DCAF17: variants seen among roughly 807,000 people sequenced by gnomAD.
DCAF17 encodes the protein DDB1- and CUL4-associated factor 17.
In DCAF17, 48 loss-of-function variants were observed where a neutral mutation model predicts 66.0. The ratio of observed to expected loss-of-function variants is 0.73; its 90% CI spans 0.58 to 0.92. The LOEUF is 0.92. Ranked by LOEUF, DCAF17 falls within the 40% of genes least tolerant of loss-of-function variation. The pLI, the probability that DCAF17 is intolerant of heterozygous loss-of-function variation, is 0.00. For synonymous variants in DCAF17, 206 were observed against 214.6 expected (o/e 0.96, Z 0.35); for missense variants, 562 against 622.8 (o/e 0.90, Z 1.04).
At position 171,480,121 on chromosome 2, in the gene DCAF17, T is replaced by A. The variant is rs755330994; in HGVS notation, c.1350T>A (p.Ala450=). 6.8e-6 allele frequency: 11 copies of A among 1,613,860 alleles called. No homozygotes were observed. Among genetic ancestry groups the A allele is most frequent in the Middle Eastern group, 1.7e-4 (1 of 6,052 alleles). ...AVTQIDAEGK[A]HLDFHCNEYG... ...CTCAAATAGATGCTGAAGGAAAAGCTCACCTGGATTTCCACTGTAATGAAT... is the reference window on the plus strand; with the variant it reads ...CTCAAATAGATGCTGAAGGAAAAGCACACCTGGATTTCCACTGTAATGAAT... Residue 450 remains alanine (A), a synonymous_variant, in exon 13 of 14, where the codon GCT becomes GCA. Coordinates refer to ENST00000375255, the MANE Select transcript of DCAF17 (RefSeq NM_025000.4).
At chr2:171,474,171 A>G in intron 10 of DCAF17, 196 bp downstream of exon 10, 1 of 594,552 alleles carries the variant, frequency 1.7e-6, no homozygotes, top group Non-Finnish European at 3.0e-6. Flanking sequence ...GTAAATATTA[A>G]ATTTGAAAAC....
At chr2:171,477,836 A>G in intron 11 of DCAF17, 151 bp from the exon 12 acceptor site, 1 of 700,652 alleles carries the variant, frequency 1.4e-6, no homozygotes, top group Non-Finnish European at 2.6e-6. Context: ...ACGGAGGATC[A>G]GAAATCTGAT....
At chr2:171,446,962 A>C (rs374429249) in intron 3 of DCAF17, among the ~76,000 whole-genome samples, 170 of 152,332 alleles carry the variant, frequency 1.1e-3, no homozygotes, top group African/African-American at 3.8e-3. Context: ...GTCAAGACTG[A>C]AATGTATTGT....
intron 13 of DCAF17, 106 bp from the exon 14 acceptor site, chr2:171,480,868 A>G: frequency 7.3e-7 from 1 of 1,373,792 alleles, no homozygotes; most frequent in Non-Finnish European, 1.0e-6. Flanking sequence ...ATTTTCTTCT[A>G]AGTGTATGTT....
Position 171,445,453 on chromosome 2 carries a change from A to G in DCAF17, c.321+1840A>G, listed in dbSNP as rs1694563100. On this transcript the variant is annotated intron_variant, in intron 3 of 13. Coordinates refer to ENST00000375255, the MANE Select transcript of DCAF17 (RefSeq NM_025000.4). ...ATTCTCACTTATTTTTAAACATTTT[A>G]TTCTCATTTCAACTGCAGCAAGATT... 2.0e-5 allele frequency among the ~76,000 whole-genome samples: 3 copies of G among 152,028 alleles called. No homozygotes were observed. In the South Asian group the frequency reaches 6.2e-4, roughly 32 times the overall value.
chr2:171,442,988 C>G (rs1395647412), intron 2 of DCAF17: 1 of 151,458 alleles, frequency 6.6e-6, no homozygotes, highest in Non-Finnish European at 1.5e-5. Flanking sequence ...TCAATATTGG[C>G]AGAAGTATAA....
chr2:171,483,850 G>A lies in DCAF17; in HGVS notation c.*2736G>A. The stretch of plus-strand genomic sequence containing the variant: ...CAGGGTCCCACAACTAGTCAGTGCA[G>A]AGGTGGGAAACATAACCAGATTTGT... On this transcript the variant is annotated 3_prime_UTR_variant, in exon 14 of 14. Transcript: ENST00000375255. The A allele has an allele frequency of 2.2e-6, 1 of 454,094 alleles. No individual in the cohort carries two copies. The highest frequency in any genetic ancestry group is 1.6e-5 in the South Asian group (1 of 64,472). 28.1% of individuals were successfully genotyped at this position (454,094 alleles called of 1,614,324 possible).
In DCAF17 at chr2:171,482,946, C is replaced by A. The variant is rs1197398485; in HGVS notation, c.*1832C>A. 2.2e-6 allele frequency: 1 copy of A among 454,008 alleles called. No individual in the cohort carries two copies. 28.1% of individuals were successfully genotyped at this position (454,008 alleles called of 1,614,324 possible). On this transcript the variant is annotated 3_prime_UTR_variant, in exon 14 of 14. Transcript: ENST00000375255. ...CAGGAAATATACCTCATGTGAAAGA[C>A]AGTAAGGAGTTGTGGGCAGTGTAAC...
intron 3 of DCAF17, among the ~76,000 whole-genome samples, chr2:171,447,985 C>A (rs887454137): frequency 2.0e-5 from 3 of 152,172 alleles, no homozygotes; most frequent in Non-Finnish European, 4.4e-5. Flanking sequence ...TGGCTGTCTT[C>A]ATTGGTTTCT....
At chr2:171,469,672 T>C (rs375272479) in intron 9 of DCAF17, among the ~76,000 whole-genome samples, 2 of 152,204 alleles carry the variant, frequency 1.3e-5, no homozygotes, top group African/African-American at 4.8e-5. Flanking sequence ...ATCTCTTCCC[T>C]CAAGTTATAC....
rs770670358 is a variant in DCAF17, at chr2:171,484,719, A to G, written c.*3605A>G. The G allele has an allele frequency of 8.8e-6, 4 of 453,940 alleles. No homozygotes were observed. Among genetic ancestry groups the G allele is most frequent in the Non-Finnish European group, 1.3e-5 (3 of 226,794 alleles). The allele number at this position is 453,940 out of a possible 1,614,324, so 28.1% of individuals were successfully genotyped here. A position where few individuals can be genotyped will look rare whatever the true frequency, so the allele number is the denominator to read the frequency against. ...TAGACCATTGCAATCATCTTCAGAA[A>G]GTTTCCTAAATCCCTCTCCCAGTCT... On this transcript the variant is annotated 3_prime_UTR_variant, in exon 14 of 14. Coordinates refer to ENST00000375255, the MANE Select transcript of DCAF17 (RefSeq NM_025000.4).
At chr2:171,479,117 G>A (rs1362199376) in intron 12 of DCAF17, among the ~76,000 whole-genome samples, 4 of 152,132 alleles carry the variant, frequency 2.6e-5, no homozygotes, top group African/African-American at 4.8e-5. Flanking sequence ...AGGAAATAAC[G>A]TAAAAGTACA....
chr2:171,479,983 A>T (rs1459732921), intron 12 of DCAF17, 55 bp from the exon 13 acceptor site: 1 of 1,587,154 alleles, frequency 6.3e-7, no homozygotes, highest in East Asian at 2.2e-5. Flanking sequence ...AAATAAGCCT[A>T]CCTGAATAAC....
At chr2:171,440,794 T>C (rs994278382) in intron 2 of DCAF17, among the ~76,000 whole-genome samples, 1 of 152,204 alleles carries the variant, frequency 6.6e-6, no homozygotes, top group Non-Finnish European at 1.5e-5. Context: ...AAAGCTGTAA[T>C]TGTCAGTATC....
At chr2:171,451,796 G>C (rs542840789) in intron 5 of DCAF17, among the ~76,000 whole-genome samples, 1 of 152,072 alleles carries the variant, frequency 6.6e-6, no homozygotes, top group African/African-American at 2.4e-5. Context: ...GCATGGTCTC[G>C]ATCTCTTGAC....
chr2:171,464,026 TA>T (rs1428167559), intron 8 of DCAF17, among the ~76,000 whole-genome samples: 1 of 152,170 alleles, frequency 6.6e-6, no homozygotes. Context: ...TATATAGTAA[TA>T]GTTATTATTC....
intron 9 of DCAF17, 127 bp downstream of exon 9, chr2:171,469,157 T>G (rs1696092778): frequency 9.6e-7 from 1 of 1,045,160 alleles, no homozygotes; most frequent in Admixed American, 2.0e-5. Context: ...TGCAAACAAT[T>G]TAAAATACAG....
rs1341472276 is a variant in DCAF17 at position 171,481,542 on chromosome 2, T to C, written c.*428T>C. 1 of 454,464 alleles carries C rather than the reference T, an allele frequency of 2.2e-6. No individual in the cohort carries two copies. The highest frequency in any genetic ancestry group is 2.0e-5 in the African/African-American group (1 of 50,176). The allele number at this position is 454,464 out of a possible 1,614,324, so 28.2% of individuals were successfully genotyped here. A position where few individuals can be genotyped will look rare whatever the true frequency, so the allele number is the denominator to read the frequency against. On this transcript the variant is annotated 3_prime_UTR_variant, in exon 14 of 14. Coordinates refer to ENST00000375255, the MANE Select transcript of DCAF17 (RefSeq NM_025000.4). Reference sequence around the variant, plus strand: ...TAAACATGCAGAAAGAAATCTTATATCCTCTATACCAAACTTTGCTTAAGG... The same window carrying C: ...TAAACATGCAGAAAGAAATCTTATACCCTCTATACCAAACTTTGCTTAAGG...
At chr2:171,465,787 A>G (rs1695865321) in intron 8 of DCAF17, among the ~76,000 whole-genome samples, 1 of 152,084 alleles carries the variant, frequency 6.6e-6, no homozygotes, top group East Asian at 1.9e-4. Context: ...GCCCAGCCCC[A>G]TTTTCTATTT....
Sources: gnomAD v4.1 joint callset for allele counts (sites outside exome capture counted in the v4.1 genomes callset) on GRCh38, gnomAD v4.1.1 for gene constraint, MANE v1.5 for transcripts, NCBI Gene and HGNC (gene_info 2026-07-23, HGNC 2026-07-21) for gene names.